The following PGBD5 variants were observed in gnomAD, a reference collection of about 807,000 sequenced individuals.
PGBD5 encodes piggyBac transposable element-derived protein 5.
In PGBD5, 14 loss-of-function variants were observed where a neutral mutation model predicts 47.9. The observed-to-expected ratio is 0.29, with a 90% CI of 0.19 to 0.46. The LOEUF (loss-of-function observed/expected upper bound fraction) is 0.46. PGBD5 is among the 20% of genes least tolerant of loss of function. The pLI, the probability that PGBD5 is intolerant of heterozygous loss-of-function variation, is 1.00. For synonymous variants in PGBD5, 316 were observed against 306.3 expected (o/e 1.03, Z -0.33); for missense variants, 635 against 716.0 (o/e 0.89, Z 1.29).
rs544594812 is a variant in PGBD5, at chr1:230,387,369, T to A, written c.332-30048A>T. On this transcript the variant is annotated intron_variant, in intron 1 of 6. Coordinates refer to ENST00000391860, the MANE Select transcript of PGBD5 (RefSeq NM_001258311.2). ...TCAATTACTTATTAAGGAGTCAGCATGGTTTAGATTTAGAAGCAGAATAAA... is the reference window on the plus strand; with the variant it reads ...TCAATTACTTATTAAGGAGTCAGCAAGGTTTAGATTTAGAAGCAGAATAAA... 2.0e-5 allele frequency among the ~76,000 whole-genome samples: 3 copies of A among 152,288 alleles called. No homozygotes were observed. In the South Asian group the frequency reaches 6.2e-4, roughly 32 times the overall value.
chr1:230,390,551 C>A (rs1194703188), intron 1 of PGBD5, among the ~76,000 whole-genome samples: 2 of 152,152 alleles, frequency 1.3e-5, no homozygotes, highest in Non-Finnish European at 2.9e-5. Flanking sequence ...TCGGGCATCT[C>A]ACCCAGAGGG....
chr1:230,386,046 G>A (rs1394401569), intron 1 of PGBD5, among the ~76,000 whole-genome samples: 2 of 152,144 alleles, frequency 1.3e-5, no homozygotes, highest in South Asian at 4.1e-4. Context: ...ATGTGCTATG[G>A]CTATGTACAA....
chr1:230,325,368 C>A lies in PGBD5; in HGVS notation c.1321G>T (p.Val441Leu). ...KSGEIPCPLAVEAFAAHLSYI... is the reference protein window; with the variant it reads ...KSGEIPCPLALEAFAAHLSYI... ...CTCAGGTGAGCGGCAAACGCCTCCA[C>A]GGCCAAGGGGCATGGGATCTCCCCA... Residue 441 changes from valine to leucine, a missense_variant, in exon 6 of 7, where the codon GTG becomes TTG. Coordinates refer to ENST00000391860, the MANE Select transcript of PGBD5 (RefSeq NM_001258311.2). The A allele has an allele frequency of 6.2e-7, 1 of 1,613,808 alleles. No homozygotes were observed. Among genetic ancestry groups the A allele is most frequent in the South Asian group, 1.1e-5 (1 of 90,984 alleles).
intron 5 of PGBD5, among the ~76,000 whole-genome samples, chr1:230,325,761 G>A (rs1487709138): frequency 6.6e-6 from 1 of 152,100 alleles, no homozygotes; most frequent in Non-Finnish European, 1.5e-5. Flanking sequence ...AGTGAAAGCG[G>A]AGACAGGGCT....
At chr1:230,346,469 G>A (rs1433971847) in intron 3 of PGBD5, among the ~76,000 whole-genome samples, 6 of 152,184 alleles carry the variant, frequency 3.9e-5, no homozygotes, top group East Asian at 1.9e-4. Flanking sequence ...AGTGGAACCC[G>A]ACCAGCCTGG....
At chr1:230,325,517 T>C (rs1415379622) in intron 5 of PGBD5, 102 bp from the exon 6 acceptor site, 3 of 785,552 alleles carry the variant, frequency 3.8e-6, no homozygotes, top group Non-Finnish European at 6.5e-6. Flanking sequence ...CCCAACTTAA[T>C]AATGAGCAGA....
chr1:230,424,107 C>T (rs1342886735), intron 1 of PGBD5, among the ~76,000 whole-genome samples: 8 of 152,118 alleles, frequency 5.3e-5, no homozygotes, highest in African/African-American at 1.9e-4. Context: ...CTGTGCAGTC[C>T]CAGGTGGACC....
At chr1:230,421,711 G>A (rs998189974) in intron 1 of PGBD5, among the ~76,000 whole-genome samples, 3 of 152,206 alleles carry the variant, frequency 2.0e-5, no homozygotes, top group Non-Finnish European at 4.4e-5. Context: ...ACTGCAAGAT[G>A]ACACACAGTC....
At chr1:230,403,009 T>C (rs891797296) in intron 1 of PGBD5, among the ~76,000 whole-genome samples, 4 of 152,216 alleles carry the variant, frequency 2.6e-5, no homozygotes, top group Admixed American at 6.5e-5. Flanking sequence ...CTCCATCATT[T>C]TCTTCCCAGC....
At chr1:230,383,552 T>G (rs1251548948) in intron 1 of PGBD5, among the ~76,000 whole-genome samples, 1 of 152,114 alleles carries the variant, frequency 6.6e-6, no homozygotes. Context: ...TTGTATTTTT[T>G]GTAGAGATAG....
rs1174132992 is a variant in PGBD5 at position 230,317,941 on chromosome 1, T to C, written c.*5484A>G. On this transcript the variant is annotated 3_prime_UTR_variant, in exon 7 of 7. Transcript: ENST00000391860. ...CATTACGACCGTGTATACATGGGTA[T>C]ACACGGAAGGGTGAAGGTGCCCCAC... 2.0e-5 allele frequency: 3 copies of C among 152,098 alleles called. No individual in the cohort carries two copies. Among genetic ancestry groups the C allele is most frequent in the Non-Finnish European group, 4.4e-5 (3 of 68,032 alleles). The allele number at this position is 152,098 out of a possible 1,614,324, so 9.4% of individuals were successfully genotyped here.
intron 1 of PGBD5, among the ~76,000 whole-genome samples, chr1:230,395,057 T>A (rs1656898296): frequency 2.4e-5 from 1 of 42,346 alleles, no homozygotes; most frequent in Non-Finnish European, 4.3e-5. Flanking sequence ...CCAGAGCTCC[T>A]CTCTCACTCC....
In PGBD5 at chr1:230,337,271, C is replaced by T. The variant is rs1457189078; in HGVS notation, c.912G>A (p.Lys304=). 4 of 1,612,130 alleles carry T rather than the reference C, an allele frequency of 2.5e-6. No individual in the cohort carries two copies. The highest frequency in any genetic ancestry group is 2.5e-6 in the Non-Finnish European group (3 of 1,179,514). Residue 304 remains lysine (K), a synonymous_variant, in exon 4 of 7, where the codon AAG becomes AAA. Transcript: ENST00000391860. ...GFIIQIYVHL[K]EGGGPDGLDA... is the part of the protein sequence containing the mutation. ...CCAGGCCATCTGGGCCCCCACCTTC[C>T]TTCAGGTGGACATAAATCTTTAACA... is the stretch of plus-strand genomic sequence containing the variant.
intron 1 of PGBD5, among the ~76,000 whole-genome samples, chr1:230,382,820 A>C (rs1461478778): frequency 2.0e-5 from 3 of 152,166 alleles, no homozygotes; most frequent in Non-Finnish European, 4.4e-5. Flanking sequence ...TCTTGAGGTT[A>C]CAGAAAGAAT....
chr1:230,400,839 G>A (rs1458548522), intron 1 of PGBD5, among the ~76,000 whole-genome samples: 3 of 152,198 alleles, frequency 2.0e-5, no homozygotes, highest in South Asian at 2.1e-4. Flanking sequence ...AACACAGCAT[G>A]ATCCCATCTC....
At chr1:230,352,979 C>T (rs1450783824) in intron 2 of PGBD5, among the ~76,000 whole-genome samples, 3 of 152,192 alleles carry the variant, frequency 2.0e-5, no homozygotes, top group Non-Finnish European at 1.5e-5. Context: ...ACCTCTATTC[C>T]ACTTGCATTG....
intron 4 of PGBD5, among the ~76,000 whole-genome samples, chr1:230,335,742 CAA>C (rs1571827820): frequency 5.3e-3 from 2 of 374 alleles, no homozygotes; most frequent in Admixed American, 0.036. Context: ...CAGACTTACA[CAA>C]AGACACACAC....
At chr1:230,396,819 G>A (rs576988318) in intron 1 of PGBD5, among the ~76,000 whole-genome samples, 3 of 152,242 alleles carry the variant, frequency 2.0e-5, no homozygotes, top group Admixed American at 2.0e-4. Flanking sequence ...TACACTGGCG[G>A]AGAGGCACCC....
At chr1:230,341,381 T>C (rs958310853) in intron 3 of PGBD5, among the ~76,000 whole-genome samples, 17 of 152,194 alleles carry the variant, frequency 1.1e-4, no homozygotes, top group African/African-American at 4.1e-4. Flanking sequence ...TAGTAACTTG[T>C]TTCCCTTAGC....
Sources: allele counts gnomAD v4.1 joint callset (sites outside exome capture counted in the v4.1 genomes callset), GRCh38; gene constraint gnomAD v4.1.1; transcripts MANE v1.5; gene names NCBI Gene and HGNC (gene_info 2026-07-23, HGNC 2026-07-21).